Variants in CYP27C1 observed in about 807,000 individuals in gnomAD.
CYP27C1 encodes cytochrome P450 family 27 subfamily C member 1.
Under a neutral mutation model 40.6 loss-of-function variants are expected in CYP27C1, and 29 were observed. That is an observed-to-expected ratio of 0.71 (90% CI 0.53 to 0.97). The LOEUF (loss-of-function observed/expected upper bound fraction) is 0.97, where lower values mean the gene tolerates loss of function less well. Among genes scored for constraint, CYP27C1 ranks in the 50% least tolerant of loss-of-function variants. The pLI, the probability that CYP27C1 is intolerant of heterozygous loss-of-function variation, is 0.00. For missense variants in CYP27C1, 390 were observed against 485.8 expected (o/e 0.80, Z 1.85); for synonymous variants, 198 against 186.8 (o/e 1.06, Z -0.49).
chr2:127,193,332 G>A, intron 7 of CYP27C1, 35 bp from the exon 8 acceptor site: 6 of 1,611,332 alleles, frequency 3.7e-6, no homozygotes, highest in Non-Finnish European at 5.1e-6. Flanking sequence ...AAGGGAAAAG[G>A]GGCAGAATCA....
chr2:127,204,535 A>AAGAAAGAAAG (rs1558931272), intron 2 of CYP27C1, among the ~76,000 whole-genome samples: 1 of 46,872 alleles, frequency 2.1e-5, no homozygotes, highest in African/African-American at 7.3e-5. Context: ...GAAAGAAAGA[A>AAGAAAGAAAG]AGAGAGAGAG....
intron 1 of CYP27C1, among the ~76,000 whole-genome samples, chr2:127,215,991 A>C (rs1683423866): frequency 6.6e-6 from 1 of 152,240 alleles, no homozygotes; most frequent in African/African-American, 2.4e-5. Flanking sequence ...AGGGAGAGAT[A>C]GCACTTCGCA....
At position 127,204,593 on chromosome 2, in the gene CYP27C1, G is replaced by GC. The variant is rs1553503400; in HGVS notation, c.474-1023_474-1022insG. Among the ~76,000 whole-genome samples, 18 of 97,160 alleles carry GC rather than the reference G, an allele frequency of 1.9e-4. 1 individual carries two copies. Among genetic ancestry groups the GC allele is most frequent in the African/African-American group, 7.3e-4 (17 of 23,416 alleles). 63.7% of individuals were successfully genotyped at this position (97,160 alleles called of 152,430 possible). The stretch of plus-strand genomic sequence containing the variant: ...AGAAAGAAAGAAAGAAAGAAAGAAA[G>GC]AAAGAAAGAAAGAAAGAAAGAAAGA... On this transcript the variant is annotated intron_variant, in intron 2 of 8. Transcript: ENST00000664447.
intron 8 of CYP27C1, among the ~76,000 whole-genome samples, chr2:127,192,458 G>A (rs932918929): frequency 6.6e-6 from 1 of 152,238 alleles, no homozygotes; most frequent in African/African-American, 2.4e-5. Flanking sequence ...CAGATACGGT[G>A]CAAACCCAGA....
rs921940697 is a variant in CYP27C1 at position 127,219,451 on chromosome 2, T to C, written c.282+538A>G. On this transcript the variant is annotated intron_variant, in intron 1 of 8. Transcript: ENST00000664447. This position sits in a 1 kb window ranked among gnomAD's most constrained non-coding sequence, Gnocchi z 8.7. ...CCCAACCAGGCAATCCCTGCCTGGGTCCCTCCCCGGGACCAGTCCCTGGAG... is the reference window on the plus strand; with the variant it reads ...CCCAACCAGGCAATCCCTGCCTGGGCCCCTCCCCGGGACCAGTCCCTGGAG... 6.6e-6 allele frequency among the ~76,000 whole-genome samples: 1 copy of C among 150,848 alleles called. No individual in the cohort carries two copies. Among genetic ancestry groups the C allele is most frequent in the African/African-American group, 2.4e-5 (1 of 40,900 alleles).
rs1054329580 is a variant in CYP27C1, at chr2:127,195,577, G to A, written c.1048-76C>T. The A allele has an allele frequency of 1.3e-6, 2 of 1,485,026 alleles. No homozygotes were observed. The highest frequency in any genetic ancestry group is 1.9e-5 in the Admixed American group (1 of 53,932). The allele number at this position is 1,485,026 out of a possible 1,614,324, so 92.0% of individuals were successfully genotyped here. ...CTGAAACAGAGGCGGTGGCAGGTAG[G>A]AAGTCCCCTGGGAATACACACAGCA... On this transcript the variant is annotated intron_variant, in intron 5 of 8. Transcript: ENST00000664447. This position sits in a 1 kb window ranked among gnomAD's most constrained non-coding sequence, Gnocchi z 6.2.
rs60436767 is a variant in CYP27C1 at position 127,192,262 on chromosome 2, C to G, written c.1497+832G>C. Among the ~76,000 whole-genome samples, 17 of 152,316 alleles carry G rather than the reference C, an allele frequency of 1.1e-4. No individual in the cohort carries two copies. In the East Asian group the frequency reaches 3.1e-3, roughly 28 times the overall value. On this transcript the variant is annotated intron_variant, in intron 8 of 8. Transcript: ENST00000664447. ...AATGGGGAGATGAGGTCACCAGGCA[C>G]TCCCCACATTCTCCAAATGTTCAGG...
rs1683009999 is a variant in CYP27C1 at position 127,200,586 on chromosome 2, G to C, written c.883+536C>G. Among the ~76,000 whole-genome samples the C allele has an allele frequency of 6.6e-6, 1 of 152,102 alleles. No homozygotes were observed. The highest frequency in any genetic ancestry group is 2.1e-4 in the South Asian group (1 of 4,826). ...TGTACCTGTCCCTGCTAGCATGCTA[G>C]TGAAAATAAAAATTATTTTAAAATG... On this transcript the variant is annotated intron_variant, in intron 4 of 8. Coordinates refer to ENST00000664447, the MANE Select transcript of CYP27C1 (RefSeq NM_001367502.1). This position sits in a 1 kb window ranked among gnomAD's most constrained non-coding sequence, Gnocchi z 4.2.
chr2:127,200,073 G>A lies in CYP27C1; in HGVS notation c.884-534C>T, dbSNP rs1052578587. On this transcript the variant is annotated intron_variant, in intron 4 of 8. Coordinates refer to ENST00000664447, the MANE Select transcript of CYP27C1 (RefSeq NM_001367502.1). This position sits in a 1 kb window ranked among gnomAD's most constrained non-coding sequence, Gnocchi z 4.2. ...CGGCTCACTGCAACCTCCGCCTCCC[G>A]GGTTCAAGCCATTCTCCTGCCTCAG... Among the ~76,000 whole-genome samples, 2 of 152,238 alleles carry A rather than the reference G, an allele frequency of 1.3e-5. No individual in the cohort carries two copies. Among genetic ancestry groups the A allele is most frequent in the South Asian group, 2.1e-4 (1 of 4,816 alleles).
At chr2:127,211,648 G>A (rs1014449844) in intron 1 of CYP27C1, among the ~76,000 whole-genome samples, 1 of 152,050 alleles carries the variant, frequency 6.6e-6, no homozygotes, top group Non-Finnish European at 1.5e-5. Flanking sequence ...GCCTCCCAAA[G>A]TGCTGGGATT....
intron 1 of CYP27C1, among the ~76,000 whole-genome samples, chr2:127,215,067 T>C (rs1683405354): frequency 6.7e-6 from 1 of 149,858 alleles, no homozygotes. Context: ...AGGCGGAGCT[T>C]GCAGTGAGCT....
chr2:127,204,609 GA>G (rs1477721125), intron 2 of CYP27C1, among the ~76,000 whole-genome samples: 8 of 102,628 alleles, frequency 7.8e-5, no homozygotes, highest in South Asian at 2.5e-4. Context: ...AAGAAAGAAA[GA>G]AAGAAAGAAA....
chr2:127,205,872 GT>G, intron 2 of CYP27C1, 27 bp downstream of exon 2: 1 of 536,414 alleles, frequency 1.9e-6, no homozygotes, highest in Non-Finnish European at 2.4e-6. Context: ...CCTCCAGCCC[GT>G]GGCTCAGCCC....
Position 127,219,453 on chromosome 2 carries a change from C to T in CYP27C1, c.282+536G>A, listed in dbSNP as rs186246239. ...CAACCAGGCAATCCCTGCCTGGGTC[C>T]CTCCCCGGGACCAGTCCCTGGAGAC... On this transcript the variant is annotated intron_variant, in intron 1 of 8. Transcript: ENST00000664447. This position sits in a 1 kb window ranked among gnomAD's most constrained non-coding sequence, Gnocchi z 8.7. 0.014 allele frequency among the ~76,000 whole-genome samples: 2,180 copies of T among 152,080 alleles called. 26 individuals are homozygous for T. Among genetic ancestry groups the T allele is most frequent in the Non-Finnish European group, 0.021 (1,451 of 67,932 alleles).
At chr2:127,203,280 C>T (rs1683084631) in intron 3 of CYP27C1, 92 bp downstream of exon 3, 2 of 1,439,728 alleles carry the variant, frequency 1.4e-6, no homozygotes, top group African/African-American at 2.8e-5. Flanking sequence ...TAGCACACTG[C>T]CTGGGACCCA....
intron 2 of CYP27C1, among the ~76,000 whole-genome samples, chr2:127,204,677 G>A (rs530000004): frequency 6.6e-6 from 1 of 152,288 alleles, no homozygotes; most frequent in African/African-American, 2.4e-5. Flanking sequence ...ACTGCAGCTT[G>A]TTACCAGGGT....
At chr2:127,205,300 G>A (rs1447409392) in intron 2 of CYP27C1, among the ~76,000 whole-genome samples, 1 of 152,152 alleles carries the variant, frequency 6.6e-6, no homozygotes, top group African/African-American at 2.4e-5. Context: ...TATGTATAAG[G>A]ACATAGATAT....
At position 127,195,826 on chromosome 2, in the gene CYP27C1, G is replaced by A. The variant is rs1332209328; in HGVS notation, c.1048-325C>T. Among the ~76,000 whole-genome samples the A allele has an allele frequency of 3.3e-5, 5 of 152,130 alleles. No individual in the cohort carries two copies. Among genetic ancestry groups the A allele is most frequent in the Non-Finnish European group, 5.9e-5 (4 of 68,022 alleles). On this transcript the variant is annotated intron_variant, in intron 5 of 8. Transcript: ENST00000664447. This position sits in a 1 kb window ranked among gnomAD's most constrained non-coding sequence, Gnocchi z 6.2. Reference sequence around the variant, plus strand: ...AGAGCAATATGTCAGGGATGCCGTGGAGCCTGGAGGATCTGCTGGGACTTT... The same window carrying A: ...AGAGCAATATGTCAGGGATGCCGTGAAGCCTGGAGGATCTGCTGGGACTTT...
rs952880607 is a variant in CYP27C1 at position 127,219,309 on chromosome 2, G to T, written c.282+680C>A. Among the ~76,000 whole-genome samples the T allele has an allele frequency of 2.0e-5, 3 of 151,980 alleles. No homozygotes were observed. The highest frequency in any genetic ancestry group is 4.4e-5 in the Non-Finnish European group (3 of 67,980). ...AGCTCTCCACTCCCAGGCCCCGGCG[G>T]CGTCCACCAGGCGCCCGCTGCCCCT... On this transcript the variant is annotated intron_variant, in intron 1 of 8. Coordinates refer to ENST00000664447, the MANE Select transcript of CYP27C1 (RefSeq NM_001367502.1). The surrounding 1 kb of genome is among the most constrained non-coding windows in gnomAD (Gnocchi z 8.7).
Sources: allele counts gnomAD v4.1 joint callset (sites outside exome capture counted in the v4.1 genomes callset), GRCh38; gene constraint gnomAD v4.1.1; non-coding constraint Gnocchi (gnomAD v3.1); transcripts MANE v1.5; gene names NCBI Gene and HGNC (gene_info 2026-07-23, HGNC 2026-07-21).